PTPRK: variants seen among roughly 807,000 people sequenced by gnomAD.
PTPRK encodes the protein protein tyrosine phosphatase receptor type K, also known as receptor-type tyrosine-protein phosphatase kappa.
PTPRK carries 75 observed loss-of-function variants against 178.0 expected under a neutral mutation model. That is an observed-to-expected ratio of 0.42 (90% CI 0.35 to 0.51). PTPRK has a LOEUF of 0.51. PTPRK is among the 20% of genes least tolerant of loss of function. The pLI, the probability that PTPRK is intolerant of heterozygous loss-of-function variation, is 0.02. For synonymous variants in PTPRK, 637 were observed against 620.6 expected (o/e 1.03, Z -0.39); for missense variants, 1,441 against 1,797.8 (o/e 0.80, Z 3.59).
intron 13 of PTPRK, chr6:128,062,723 C>T (rs1441166870): frequency 6.4e-6 from 1 of 156,794 alleles, no homozygotes; most frequent in Non-Finnish European, 1.5e-5. Flanking sequence ...CACTCTGTCA[C>T]CCAGGAGTAC....
At chr6:128,460,491 G>T (rs952201579) in intron 1 of PTPRK, among the ~76,000 whole-genome samples, 1 of 152,056 alleles carries the variant, frequency 6.6e-6, no homozygotes, top group Non-Finnish European at 1.5e-5. Context: ...GCAGTGAGCA[G>T]CTGTAATCAT....
chr6:128,441,668 T>C (rs1203389479), intron 1 of PTPRK, among the ~76,000 whole-genome samples: 3 of 152,148 alleles, frequency 2.0e-5, no homozygotes, highest in African/African-American at 4.8e-5. Context: ...AACAAAAGTA[T>C]AACACAGTCC....
At chr6:128,225,759 G>C (rs559620930) in intron 5 of PTPRK, among the ~76,000 whole-genome samples, 7 of 151,582 alleles carry the variant, frequency 4.6e-5, no homozygotes, top group Admixed American at 2.0e-4. Flanking sequence ...TATTTCATTA[G>C]AGTAAGTAAA....
chr6:128,009,017 T>A (rs1214203045), intron 14 of PTPRK, 113 bp downstream of exon 14: 1 of 966,148 alleles, frequency 1.0e-6, no homozygotes, highest in African/African-American at 1.7e-5. Flanking sequence ...TTGTTAAAAT[T>A]AAAATTTTCT....
At chr6:128,351,688 A>T (rs1172430870) in intron 2 of PTPRK, among the ~76,000 whole-genome samples, 1 of 152,192 alleles carries the variant, frequency 6.6e-6, no homozygotes, top group African/African-American at 2.4e-5. Context: ...TCTTTTCAAA[A>T]ATGAAATCGT....
intron 7 of PTPRK, among the ~76,000 whole-genome samples, chr6:128,178,200 G>A (rs567671437): frequency 9.4e-4 from 143 of 151,876 alleles, no homozygotes; most frequent in Non-Finnish European, 1.9e-3. Context: ...GATTACTGAA[G>A]TATGTTATAT....
chr6:128,045,469 G>A (rs993504841), intron 13 of PTPRK, among the ~76,000 whole-genome samples: 1 of 151,904 alleles, frequency 6.6e-6, no homozygotes, highest in Non-Finnish European at 1.5e-5. Flanking sequence ...TTTTCTTCCT[G>A]TATTTTGTCC....
intron 2 of PTPRK, among the ~76,000 whole-genome samples, chr6:128,392,195 C>T (rs1409692332): frequency 6.6e-6 from 1 of 151,936 alleles, no homozygotes; most frequent in African/African-American, 2.4e-5. Flanking sequence ...TCAGACCTCA[C>T]TAAGTTTTAT....
intron 2 of PTPRK, among the ~76,000 whole-genome samples, chr6:128,360,813 T>G (rs549083658): frequency 6.6e-6 from 1 of 152,098 alleles, no homozygotes; most frequent in Non-Finnish European, 1.5e-5. Flanking sequence ...AAAACTAGCC[T>G]TAGTTTGTTT....
intron 6 of PTPRK, among the ~76,000 whole-genome samples, chr6:128,216,775 A>T (rs1809384334): frequency 6.6e-6 from 1 of 152,144 alleles, no homozygotes; most frequent in Admixed American, 6.5e-5. Flanking sequence ...TAAAATAAAC[A>T]GGCAGAAAAT....
At chr6:128,195,597 A>G (rs1479723845) in intron 6 of PTPRK, among the ~76,000 whole-genome samples, 1 of 152,148 alleles carries the variant, frequency 6.6e-6, no homozygotes, top group Non-Finnish European at 1.5e-5. Flanking sequence ...CTGTATGTAC[A>G]ACTAATATAT....
intron 1 of PTPRK, among the ~76,000 whole-genome samples, chr6:128,431,621 C>T (rs1364198086): frequency 6.6e-6 from 1 of 152,176 alleles, no homozygotes; most frequent in East Asian, 1.9e-4. Flanking sequence ...ATGCTCAAGA[C>T]ATGGTCATGT....
intron 7 of PTPRK, among the ~76,000 whole-genome samples, chr6:128,144,444 G>A (rs1039463311): frequency 6.6e-6 from 1 of 152,088 alleles, no homozygotes; most frequent in Non-Finnish European, 1.5e-5. Flanking sequence ...CAGGTCTAAT[G>A]CATGTTGTTT....
intron 1 of PTPRK, among the ~76,000 whole-genome samples, chr6:128,461,633 A>C (rs1849063834): frequency 6.6e-6 from 1 of 152,164 alleles, no homozygotes; most frequent in Admixed American, 6.5e-5. Context: ...CACAAAATTC[A>C]CCCTTTTAAA....
chr6:128,450,427 C>T (rs1313486363), intron 1 of PTPRK, among the ~76,000 whole-genome samples: 2 of 152,158 alleles, frequency 1.3e-5, no homozygotes, highest in African/African-American at 2.4e-5. Flanking sequence ...AGAAATTCTA[C>T]TCTTAGAAAT....
At chr6:127,989,653 C>G (rs1776373165) in intron 21 of PTPRK, among the ~76,000 whole-genome samples, 1 of 151,984 alleles carries the variant, frequency 6.6e-6, no homozygotes, top group Admixed American at 6.6e-5. Context: ...TAACTATGAT[C>G]AGTAATGTAT....
At chr6:128,097,517 A>T (rs117470576) in intron 7 of PTPRK, among the ~76,000 whole-genome samples, 128 of 152,316 alleles carry the variant, frequency 8.4e-4, no homozygotes, top group Non-Finnish European at 1.5e-3. Context: ...TTCTTTTACC[A>T]ATAGATAGAT....
At chr6:128,450,640 T>C (rs1847671782) in intron 1 of PTPRK, among the ~76,000 whole-genome samples, 1 of 152,322 alleles carries the variant, frequency 6.6e-6, no homozygotes, top group Non-Finnish European at 1.5e-5. Flanking sequence ...TTGGTAAAAC[T>C]GTTGATTCCT....
chr6:128,026,480 T>C (rs1774326562), intron 13 of PTPRK, among the ~76,000 whole-genome samples: 1 of 152,208 alleles, frequency 6.6e-6, no homozygotes, highest in African/African-American at 2.4e-5. Context: ...TTATCTGCTT[T>C]TTTTGAGACC....
Sources: gnomAD v4.1 joint callset for allele counts (sites outside exome capture counted in the v4.1 genomes callset) on GRCh38, gnomAD v4.1.1 for gene constraint, MANE v1.5 for transcripts, NCBI Gene and HGNC (gene_info 2026-07-23, HGNC 2026-07-21) for gene names.